The following PUDP variants were observed in gnomAD, a reference collection of about 807,000 sequenced individuals.
PUDP encodes the protein pseudouridine 5'-phosphatase.
PUDP carries 8 observed loss-of-function variants against 9.4 expected under a neutral mutation model. The observed-to-expected ratio is 0.85, with a 90% CI of 0.50 to 1.53. PUDP has a LOEUF of 1.53. PUDP is among the 40% of genes most tolerant of loss of function. The pLI is 0.00. For synonymous variants in PUDP, 99 were observed against 80.7 expected (o/e 1.23, Z -1.22); for missense variants, 188 against 189.7 (o/e 0.99, Z 0.05).
At chrX:6,850,235 C>A (rs1308293596) in intron 3 of PUDP, among the ~76,000 whole-genome samples, 2 of 112,070 alleles carry the variant, frequency 1.8e-5, no homozygotes, top group Non-Finnish European at 3.8e-5. Context: ...GCGGTCATCA[C>A]GCTCCACTCT....
At chrX:6,782,307 C>A (rs11798827) in intron 3 of PUDP, among the ~76,000 whole-genome samples, 1 of 110,904 alleles carries the variant, frequency 9.0e-6, no homozygotes, top group African/African-American at 3.3e-5. Flanking sequence ...CAGTGGCTCA[C>A]GTCTGTAATC....
chrX:6,946,512 C>T (rs1928466953), intron 3 of PUDP, among the ~76,000 whole-genome samples: 2 of 111,643 alleles, frequency 1.8e-5, no homozygotes, highest in African/African-American at 6.5e-5. Flanking sequence ...ATTTATGTAC[C>T]TTGTTTTCTT....
At chrX:6,878,383 T>C (rs1927296825) in intron 3 of PUDP, among the ~76,000 whole-genome samples, 1 of 110,169 alleles carries the variant, frequency 9.1e-6, no homozygotes, top group Non-Finnish European at 1.9e-5. Flanking sequence ...TTTTTTTTTT[T>C]AGAATAAAGG....
downstream of PUDP, among the ~76,000 whole-genome samples, chrX:7,044,927 G>A (rs1929965584): frequency 2.7e-5 from 3 of 112,296 alleles, 1 homozygote; most frequent in South Asian, 1.1e-3. Flanking sequence ...TGCCTTCATG[G>A]GAGACAAATA....
intron 3 of PUDP, among the ~76,000 whole-genome samples, chrX:6,973,565 C>G (rs1297003861): frequency 8.9e-6 from 1 of 112,106 alleles, no homozygotes; most frequent in Non-Finnish European, 1.9e-5. Flanking sequence ...GCACTGTGGT[C>G]TGAGAGACTG....
chrX:6,748,611 C>T (rs935574184), intron 3 of PUDP, among the ~76,000 whole-genome samples: 2 of 111,146 alleles, frequency 1.8e-5, no homozygotes, highest in Admixed American at 1.9e-4. Context: ...TAAGACAATC[C>T]CTTAAAAAAA....
At chrX:6,766,404 A>C (rs1925286053) in intron 3 of PUDP, among the ~76,000 whole-genome samples, 1 of 111,881 alleles carries the variant, frequency 8.9e-6, no homozygotes, top group African/African-American at 3.2e-5. Context: ...CATTTGTTTG[A>C]TGTGGTTCTA....
chrX:7,105,517 A>G, intron 2 of PUDP, 103 bp downstream of exon 2: 3 of 571,996 alleles, frequency 5.2e-6, no homozygotes, highest in Non-Finnish European at 8.2e-6. Context: ...ACTGAAGAAA[A>G]GAGGACAAAC....
At chrX:6,772,897 CAAAAAGACAA>C (rs904659101) in intron 3 of PUDP, among the ~76,000 whole-genome samples, 1 of 111,202 alleles carries the variant, frequency 9.0e-6, no homozygotes, top group African/African-American at 3.3e-5. Flanking sequence ...TCAAAAAAAA[CAAAAAGACAA>C]AAAAAGACAA....
intron 3 of PUDP, among the ~76,000 whole-genome samples, chrX:6,967,798 C>T (rs748083090): frequency 1.4e-4 from 16 of 111,882 alleles, no homozygotes; most frequent in African/African-American, 4.5e-4. Flanking sequence ...AAAAATAGGA[C>T]TTTAACTTTC....
intron 3 of PUDP, among the ~76,000 whole-genome samples, chrX:6,888,251 C>G (rs775154264): frequency 1.8e-5 from 2 of 111,057 alleles, no homozygotes; most frequent in Admixed American, 1.9e-4. Context: ...CTGACTGCCT[C>G]CCTTCAGTTT....
In PUDP at chrX:6,919,858, C is replaced by CAAAAAAAAA. The variant is rs58441346; in HGVS notation, c.*247+57266_*247+57274dup. 5.4e-3 allele frequency among the ~76,000 whole-genome samples: 143 copies of CAAAAAAAAA among 26,481 alleles called. 14 individuals are homozygous for CAAAAAAAAA. The highest frequency in any genetic ancestry group is 6.7e-3 in the Non-Finnish European group (100 of 14,975). The allele number at this position is 26,481 out of a possible 115,157, so 23.0% of individuals were successfully genotyped here. On this transcript the variant is annotated intron_variant and NMD_transcript_variant, in intron 3 of 3. Coordinates refer to the PUDP transcript ENST00000655425. ...TGGGTGACAGAGCAAGACTCCATCTCAAAAAAAAAAAAAAAAAAAAAAAAA... is the reference window on the plus strand; with the variant it reads ...TGGGTGACAGAGCAAGACTCCATCTCAAAAAAAAAAAAAAAAAAAAAAAAAAAAAAAAAA...
At chrX:6,816,744 T>C (rs1481435736) in intron 3 of PUDP, among the ~76,000 whole-genome samples, 1 of 95,791 alleles carries the variant, frequency 1.0e-5, no homozygotes, top group East Asian at 3.2e-4. Flanking sequence ...ACACATAGTA[T>C]ATACGATATA....
intron 3 of PUDP, among the ~76,000 whole-genome samples, chrX:6,911,880 C>T (rs1927855138): frequency 8.9e-6 from 1 of 111,842 alleles, no homozygotes; most frequent in African/African-American, 3.2e-5. Flanking sequence ...TCCTTGAAAA[C>T]AACGTGAATT....
intron 3 of PUDP, among the ~76,000 whole-genome samples, chrX:6,846,315 A>G (rs970696921): frequency 2.7e-5 from 3 of 109,349 alleles, no homozygotes; most frequent in Non-Finnish European, 3.8e-5. Flanking sequence ...TGAGCCAGGA[A>G]AATGGCGCGG....
Position 6,790,154 on chromosome X carries a change from T to C in PUDP, c.*248-83688A>G, listed in dbSNP as rs142811562. Among the ~76,000 whole-genome samples, 273 of 111,173 alleles carry C rather than the reference T, an allele frequency of 2.5e-3. 5 individuals carry two copies. In the East Asian group the frequency reaches 0.049, roughly 20 times the overall value. On this transcript the variant is annotated intron_variant and NMD_transcript_variant, in intron 3 of 3. Coordinates refer to the PUDP transcript ENST00000655425. ...ATATATACAGATGTAGATAGGTAGA[T>C]AGAGAAGGAAGACAGATGACAGATA...
chrX:6,715,224 T>C (rs183704548), intron 1 of PUDP, among the ~76,000 whole-genome samples: 11 of 111,434 alleles, frequency 9.9e-5, no homozygotes, highest in African/African-American at 2.6e-4. Context: ...ATCATGATCA[T>C]TTTTCCATCC....
chrX:6,817,004 T>C (rs776741949), intron 3 of PUDP, among the ~76,000 whole-genome samples: 23 of 97,965 alleles, frequency 2.3e-4, no homozygotes, highest in African/African-American at 8.2e-4. Context: ...GTATATATAA[T>C]ATATATACAC....
At chrX:7,086,914 G>A (rs1931280832) in intron 2 of PUDP, among the ~76,000 whole-genome samples, 1 of 111,970 alleles carries the variant, frequency 8.9e-6, no homozygotes, top group African/African-American at 3.2e-5. Flanking sequence ...TGGGTTGAGG[G>A]GCTGGAAGAG....
Sources: gnomAD v4.1 joint callset for allele counts (sites outside exome capture counted in the v4.1 genomes callset) on GRCh38, gnomAD v4.1.1 for gene constraint, MANE v1.5 for transcripts, NCBI Gene and HGNC (gene_info 2026-07-23, HGNC 2026-07-21) for gene names.